Variants in KCNK9 observed in about 807,000 individuals in gnomAD.
KCNK9 encodes the protein potassium two pore domain channel subfamily K member 9, also known as potassium channel subfamily K member 9.
A neutral mutation model predicts 10.8 loss-of-function variants in KCNK9; 1 was observed. The ratio of observed to expected loss-of-function variants is 0.09; its 90% CI spans 0.03 to 0.44. The LOEUF (loss-of-function observed/expected upper bound fraction) is 0.44, where lower values mean the gene tolerates loss of function less well. Ranked by LOEUF, KCNK9 falls within the 20% of genes least tolerant of loss-of-function variation. The pLI is 0.97. For synonymous variants in KCNK9, 231 were observed against 222.7 expected, an observed-to-expected ratio of 1.04 and a Z score of -0.33; for missense variants, 303 against 515.0, an observed-to-expected ratio of 0.59 and a Z score of 3.98.
chr8:139,656,371 C>T lies in KCNK9; in HGVS notation c.284-37272G>A, dbSNP rs781675771. 1.6e-4 allele frequency among the ~76,000 whole-genome samples: 24 copies of T among 152,314 alleles called. No individual in the cohort carries two copies. The South Asian group carries it at 2.5e-3, about 16-fold the overall frequency. ...GCACCTGAGGTCCTGTGCTCTCGGA[C>T]GCCCCTGCTGTCCAGATGCAGCAAG... On this transcript the variant is annotated intron_variant, in intron 1 of 1. Coordinates refer to ENST00000520439, the MANE Select transcript of KCNK9 (RefSeq NM_001282534.2).
chr8:139,687,411 C>CCT (rs1816820465), intron 1 of KCNK9, among the ~76,000 whole-genome samples: 1 of 73,134 alleles, frequency 1.4e-5, no homozygotes, highest in Non-Finnish European at 2.8e-5. Context: ...CATATATATT[C>CCT]ATATATGTGT....
chr8:139,667,658 C>T (rs12677782), intron 1 of KCNK9, among the ~76,000 whole-genome samples: 36,193 of 151,904 alleles, frequency 0.24, 4,445 homozygotes, highest in South Asian at 0.32. Flanking sequence ...ATCGTGCCAC[C>T]GCACTCCAAC....
At chr8:139,615,672 A>C (rs1814568146), downstream of KCNK9, 1 of 152,174 alleles carries the variant, frequency 6.6e-6, no homozygotes, top group South Asian at 2.1e-4. Context: ...TAGGAGGGAA[A>C]TAGAGCCAAG....
downstream of KCNK9, among the ~76,000 whole-genome samples, chr8:139,612,931 T>C (rs890194782): frequency 2.0e-5 from 3 of 152,144 alleles, no homozygotes; most frequent in Non-Finnish European, 2.9e-5. Flanking sequence ...GATGGGGACG[T>C]CCTATTTGGG....
At chr8:139,671,937 A>G (rs1182610703) in intron 1 of KCNK9, among the ~76,000 whole-genome samples, 1 of 152,110 alleles carries the variant, frequency 6.6e-6, no homozygotes, top group Non-Finnish European at 1.5e-5. Flanking sequence ...ACCTGTCCTC[A>G]TGGGGTCTGC....
At chr8:139,630,572 G>A (rs1240088332) in intron 1 of KCNK9, among the ~76,000 whole-genome samples, 2 of 152,232 alleles carry the variant, frequency 1.3e-5, no homozygotes, top group Non-Finnish European at 2.9e-5. Flanking sequence ...GCCTGAGCCT[G>A]CACCATATCT....
intron 1 of KCNK9, among the ~76,000 whole-genome samples, chr8:139,641,575 C>T (rs1054741981): frequency 5.3e-5 from 8 of 152,192 alleles, no homozygotes; most frequent in African/African-American, 1.2e-4. Flanking sequence ...GTGTGGCACA[C>T]GGTGGGCCTC....
At chr8:139,644,435 T>C (rs1815607470) in intron 1 of KCNK9, among the ~76,000 whole-genome samples, 1 of 152,224 alleles carries the variant, frequency 6.6e-6, no homozygotes, top group Admixed American at 6.5e-5. Flanking sequence ...CATTAATGGA[T>C]CACAGCCCAC....
At chr8:139,663,648 C>CGTGTGTGTGTCTGT in intron 1 of KCNK9, among the ~76,000 whole-genome samples, 1 of 137,600 alleles carries the variant, frequency 7.3e-6, no homozygotes, top group Admixed American at 7.2e-5. Flanking sequence ...CGCGTGCGCA[C>CGTGTGTGTGTCTGT]GTGTGTGTGT....
intron 1 of KCNK9, among the ~76,000 whole-genome samples, chr8:139,671,446 G>C (rs1248483722): frequency 6.6e-6 from 1 of 152,136 alleles, no homozygotes; most frequent in East Asian, 1.9e-4. Flanking sequence ...ATGAGTCCCT[G>C]CGTGGCCAGC....
At chr8:139,692,460 C>G (rs1816952913) in intron 1 of KCNK9, among the ~76,000 whole-genome samples, 1 of 152,188 alleles carries the variant, frequency 6.6e-6, no homozygotes, top group African/African-American at 2.4e-5. Flanking sequence ...CCAACTTTCC[C>G]TTTCCCATAG....
intron 1 of KCNK9, among the ~76,000 whole-genome samples, chr8:139,678,008 G>A (rs899846090): frequency 6.6e-6 from 1 of 150,712 alleles, no homozygotes; most frequent in Non-Finnish European, 1.5e-5. Context: ...CCCCACGGCT[G>A]CAGAGTAATA....
chr8:139,611,214 T>A (rs1814413429), downstream of KCNK9: 1 of 152,256 alleles, frequency 6.6e-6, no homozygotes, highest in South Asian at 2.1e-4. Context: ...ACAGAGCAGG[T>A]GCCATTAAAT....
In KCNK9 at chr8:139,618,163, A is replaced by ATAAT; in HGVS notation, c.*91_*94dup. The ATAAT allele has an allele frequency of 6.8e-7, 1 of 1,461,542 alleles. No homozygotes were observed. Among genetic ancestry groups the ATAAT allele is most frequent in the Non-Finnish European group, 9.5e-7 (1 of 1,056,590 alleles). 90.5% of individuals were successfully genotyped at this position (1,461,542 alleles called of 1,614,324 possible). A position where few individuals can be genotyped will look rare whatever the true frequency, so the allele number is the denominator to read the frequency against. On this transcript the variant is annotated 3_prime_UTR_variant, in exon 2 of 2. Transcript: ENST00000520439. This position sits in a 1 kb window ranked among gnomAD's most constrained non-coding sequence, Gnocchi z 7.9. ...AGAGAAAGTAATAATGATGACAATA[A>ATAAT]TAATAATAAATAAATAAGAAAAGAC...
chr8:139,689,932 C>T (rs1161925829), intron 1 of KCNK9, among the ~76,000 whole-genome samples: 3 of 152,176 alleles, frequency 2.0e-5, no homozygotes, highest in African/African-American at 4.8e-5. Context: ...TGAGCCACCA[C>T]GCCCGGCCAC....
chr8:139,644,353 T>G (rs1465842847), intron 1 of KCNK9, among the ~76,000 whole-genome samples: 1 of 152,208 alleles, frequency 6.6e-6, no homozygotes, highest in Non-Finnish European at 1.5e-5. Flanking sequence ...CCTCTTCTAT[T>G]ATCTGATTCC....
At chr8:139,665,733 C>T (rs974441288) in intron 1 of KCNK9, among the ~76,000 whole-genome samples, 10 of 152,220 alleles carry the variant, frequency 6.6e-5, no homozygotes, top group Admixed American at 2.0e-4. Flanking sequence ...CAGATCACCC[C>T]ACAGCCTGCT....
intron 1 of KCNK9, among the ~76,000 whole-genome samples, chr8:139,700,550 A>G (rs1038213934): frequency 5.3e-5 from 8 of 149,766 alleles, no homozygotes; most frequent in African/African-American, 1.7e-4. Context: ...GCGCGCACAC[A>G]CACACACACA....
chr8:139,675,884 A>AACTAC (rs1353975811), intron 1 of KCNK9, among the ~76,000 whole-genome samples: 4 of 152,196 alleles, frequency 2.6e-5, no homozygotes, highest in African/African-American at 9.7e-5. Flanking sequence ...CACACAGATA[A>AACTAC]ACTACATTTC....
Sources: gnomAD v4.1 joint callset for allele counts (sites outside exome capture counted in the v4.1 genomes callset) on GRCh38, gnomAD v4.1.1 for gene constraint, Gnocchi (gnomAD v3.1) non-coding constraint, MANE v1.5 for transcripts, NCBI Gene and HGNC (gene_info 2026-07-23, HGNC 2026-07-21) for gene names.